The following BTRC variants were observed in gnomAD, a reference collection of about 807,000 sequenced individuals.
The protein encoded by BTRC is F-box/WD repeat-containing protein 1A.
In BTRC, 42 loss-of-function variants were observed where a neutral mutation model predicts 85.5. The observed-to-expected ratio is 0.49, with a 90% confidence interval of 0.38 to 0.64. BTRC has a LOEUF of 0.64. Among genes scored for constraint, BTRC ranks in the 30% least tolerant of loss-of-function variants. The pLI is 0.00. For synonymous variants in BTRC, 255 were observed against 263.3 expected (o/e 0.97, Z 0.30); for missense variants, 594 against 743.5 (o/e 0.80, Z 2.34).
At chr10:101,505,035 G>A (rs9702301) in intron 4 of BTRC, among the ~76,000 whole-genome samples, 47,029 of 145,412 alleles carry the variant, frequency 0.32, 9,568 homozygotes, top group East Asian at 0.67. Flanking sequence ...TCTGCCTCCC[G>A]TGTTCAAGCA....
chr10:101,534,689 C>T lies in BTRC; in HGVS notation c.1126C>T (p.Leu376=), dbSNP rs756120738. The T allele has an allele frequency of 1.2e-6, 2 of 1,614,140 alleles. No individual in the cohort carries two copies. Among genetic ancestry groups the T allele is most frequent in the South Asian group, 2.2e-5 (2 of 91,080 alleles). Residue 376 remains leucine, a synonymous_variant, in exon 10 of 15, where the codon CTA becomes TTA. Coordinates refer to ENST00000370187, the MANE Select transcript of BTRC (RefSeq NM_033637.4). ...RVWDVNTGEM[L]NTLIHHCEAV... The stretch of plus-strand genomic sequence containing the variant: ...GTGGGATGTAAATACAGGTGAAATG[C>T]TAAACACGTTGATTCACCATTGTGA...
At chr10:101,504,205 T>C (rs1399011673) in intron 4 of BTRC, among the ~76,000 whole-genome samples, 1 of 152,202 alleles carries the variant, frequency 6.6e-6, no homozygotes, top group Non-Finnish European at 1.5e-5. Flanking sequence ...ACAACCAGAT[T>C]CCAGACAATT....
At chr10:101,459,134 C>T (rs1470167018) in intron 2 of BTRC, among the ~76,000 whole-genome samples, 1 of 152,128 alleles carries the variant, frequency 6.6e-6, no homozygotes. Flanking sequence ...GATGATTCTT[C>T]CTTATATTAA....
intron 1 of BTRC, among the ~76,000 whole-genome samples, chr10:101,398,375 T>C (rs1475989020): frequency 6.6e-6 from 1 of 152,176 alleles, no homozygotes; most frequent in Non-Finnish European, 1.5e-5. Context: ...CGATCTCAGC[T>C]CGCTGCAAGC....
intron 1 of BTRC, among the ~76,000 whole-genome samples, chr10:101,406,524 CTTTTTTTTTTTTT>C (rs58902120): frequency 2.8e-4 from 14 of 50,426 alleles, no homozygotes; most frequent in South Asian, 9.8e-4. Flanking sequence ...TCTCAGGTTT[CTTTTTTTTTTTTT>C]TTTTTTTTTT....
At position 101,438,298 on chromosome 10, in the gene BTRC, G is replaced by A. The variant is rs371349417; in HGVS notation, c.156+7846G>A. Among the ~76,000 whole-genome samples, 27 of 151,640 alleles carry A rather than the reference G, an allele frequency of 1.8e-4. No individual in the cohort carries two copies. The East Asian group carries it at 4.1e-3, about 23-fold the overall frequency. ...AAATTAGCCGGGCGTGGTGGTGGGC[G>A]CCTGTAGTCCCAGCTCCTCGGGAGG... On this transcript the variant is annotated intron_variant, in intron 2 of 14. Coordinates refer to ENST00000370187, the MANE Select transcript of BTRC (RefSeq NM_033637.4).
chr10:101,531,158 G>A lies in BTRC; in HGVS notation c.744-79G>A, dbSNP rs184295153. The A allele has an allele frequency of 1.7e-4, 203 of 1,202,566 alleles. No homozygotes were observed. The African/African-American group carries it at 2.6e-3, about 15-fold the overall frequency. The allele number at this position is 1,202,566 out of a possible 1,614,324, so 74.5% of individuals were successfully genotyped here. ...TGCACTCCAGCCTGGGCAACAGAGCGAGACTCTGTCTCAAAATATATATGT... is the reference window on the plus strand; with the variant it reads ...TGCACTCCAGCCTGGGCAACAGAGCAAGACTCTGTCTCAAAATATATATGT... On this transcript the variant is annotated intron_variant, in intron 6 of 14. Coordinates refer to ENST00000370187, the MANE Select transcript of BTRC (RefSeq NM_033637.4).
At chr10:101,519,827 C>T (rs1037166083) in intron 4 of BTRC, among the ~76,000 whole-genome samples, 76 of 152,076 alleles carry the variant, frequency 5.0e-4, no homozygotes, top group African/African-American at 1.7e-3. Flanking sequence ...GAAACCCCGT[C>T]TTTACTAAAA....
chr10:101,457,580 C>CTAT (rs1231079225), intron 2 of BTRC, among the ~76,000 whole-genome samples: 2 of 152,252 alleles, frequency 1.3e-5, no homozygotes, highest in East Asian at 3.9e-4. Flanking sequence ...TACTGTAATG[C>CTAT]TATTCATAGA....
At chr10:101,450,622 C>CTGTA (rs1944934360) in intron 2 of BTRC, among the ~76,000 whole-genome samples, 2 of 152,170 alleles carry the variant, frequency 1.3e-5, no homozygotes, top group African/African-American at 4.8e-5. Context: ...GCCCATGTCA[C>CTGTA]TGTAATAGGT....
chr10:101,418,463 T>C (rs1386560784), intron 1 of BTRC, among the ~76,000 whole-genome samples: 1 of 151,614 alleles, frequency 6.6e-6, no homozygotes, highest in African/African-American at 2.4e-5. Context: ...GTTATTACAA[T>C]ATTAAATTTT....
intron 4 of BTRC, among the ~76,000 whole-genome samples, chr10:101,504,083 C>G (rs1372399770): frequency 6.6e-6 from 1 of 152,102 alleles, no homozygotes. Context: ...GTAAGTTGGG[C>G]AGAAGACTCT....
intron 1 of BTRC, among the ~76,000 whole-genome samples, chr10:101,404,689 T>G (rs922422486): frequency 2.0e-5 from 3 of 152,038 alleles, no homozygotes; most frequent in Admixed American, 1.3e-4. Flanking sequence ...TAGTCCATCT[T>G]GTAGTTCAGT....
Position 101,479,351 on chromosome 10 carries a change from A to G in BTRC, c.235-17A>G, listed in dbSNP as rs774784817. 6 of 1,601,454 alleles carry G rather than the reference A, an allele frequency of 3.7e-6. No individual in the cohort carries two copies. The Admixed American group carries it at 8.4e-5, about 22-fold the overall frequency. On this transcript the variant is annotated splice_polypyrimidine_tract_variant and intron_variant, in intron 3 of 14. Transcript: ENST00000370187. Reference sequence around the variant, plus strand: ...TCAATATTTTAAAAACCTGTTTCCAACAAATTCTCTTTACAGACATACAAC... The same window carrying G: ...TCAATATTTTAAAAACCTGTTTCCAGCAAATTCTCTTTACAGACATACAAC...
chr10:101,404,028 A>ATTTTTTTTT (rs1176999196), intron 1 of BTRC, among the ~76,000 whole-genome samples: 22 of 31,100 alleles, frequency 7.1e-4, no homozygotes, highest in Admixed American at 1.4e-3. Context: ...ATATATATAT[A>ATTTTTTTTT]TATTTTTTTT....
chr10:101,489,572 T>C (rs1275074733), intron 4 of BTRC, among the ~76,000 whole-genome samples: 2 of 152,138 alleles, frequency 1.3e-5, no homozygotes, highest in African/African-American at 4.8e-5. Flanking sequence ...GAGCCTTCCT[T>C]TTGAACCTTT....
At chr10:101,488,948 G>A (rs945404925) in intron 4 of BTRC, among the ~76,000 whole-genome samples, 7 of 151,924 alleles carry the variant, frequency 4.6e-5, no homozygotes, top group Non-Finnish European at 2.9e-5. Flanking sequence ...TATCATAATA[G>A]GTATAACTCT....
chr10:101,414,399 C>G (rs1339564097), intron 1 of BTRC, among the ~76,000 whole-genome samples: 3 of 152,114 alleles, frequency 2.0e-5, no homozygotes, highest in African/African-American at 7.2e-5. Flanking sequence ...AATGAACCTG[C>G]TGCACTGCTA....
At chr10:101,372,593 G>A (rs974705180) in intron 1 of BTRC, among the ~76,000 whole-genome samples, 5 of 148,794 alleles carry the variant, frequency 3.4e-5, no homozygotes, top group Non-Finnish European at 6.0e-5. Flanking sequence ...GGCCGGTTGC[G>A]GTGGCTCACA....
Sources: allele counts gnomAD v4.1 joint callset (sites outside exome capture counted in the v4.1 genomes callset), GRCh38; gene constraint gnomAD v4.1.1; transcripts MANE v1.5; gene names NCBI Gene and HGNC (gene_info 2026-07-23, HGNC 2026-07-21).